BTRC: variants seen among roughly 807,000 people sequenced by gnomAD.
The protein encoded by BTRC is beta-transducin repeat containing E3 ubiquitin protein ligase, also known as F-box/WD repeat-containing protein 1A.
A neutral mutation model predicts 85.5 loss-of-function variants in BTRC; 42 were observed. The ratio of observed to expected loss-of-function variants is 0.49; its 90% CI spans 0.38 to 0.64. The LOEUF (loss-of-function observed/expected upper bound fraction) is 0.64. Among genes scored for constraint, BTRC ranks in the 30% least tolerant of loss-of-function variants. The probability of loss-of-function intolerance (pLI) is 0.00; values close to 1 mark genes in which losing one functional copy is unlikely to be tolerated. For missense variants in BTRC, 594 were observed against 743.5 expected (o/e 0.80, Z 2.34); for synonymous variants, 255 against 263.3 (o/e 0.97, Z 0.30).
At chr10:101,448,996 TA>T (rs1944895699) in intron 2 of BTRC, among the ~76,000 whole-genome samples, 5 of 151,900 alleles carry the variant, frequency 3.3e-5, no homozygotes, top group Admixed American at 3.3e-4. Context: ...GGACACAGTA[TA>T]ATAATAAGCC....
At chr10:101,390,423 C>G (rs112014779) in intron 1 of BTRC, among the ~76,000 whole-genome samples, 4,036 of 149,644 alleles carry the variant, frequency 0.027, 192 homozygotes, top group African/African-American at 0.091. Context: ...CTGCAAGCTT[C>G]GCCTCCCGGG....
At chr10:101,381,406 A>G (rs1942925043) in intron 1 of BTRC, among the ~76,000 whole-genome samples, 1 of 152,160 alleles carries the variant, frequency 6.6e-6, no homozygotes, top group South Asian at 2.1e-4. Context: ...CATGTTCCTT[A>G]ATTTCCTCTT....
Position 101,380,525 on chromosome 10 carries a change from G to T in BTRC, c.48+26297G>T, listed in dbSNP as rs181734687. 2.5e-3 allele frequency among the ~76,000 whole-genome samples: 378 copies of T among 152,206 alleles called. 3 individuals are homozygous for T. Among genetic ancestry groups the T allele is most frequent in the African/African-American group, 8.5e-3 (351 of 41,522 alleles). ...CTCCTCACTTCCCAGACGGTGGGGC[G>T]GCTGGGCAGAGGCACTCCCCACTTC... On this transcript the variant is annotated intron_variant, in intron 1 of 14. Coordinates refer to ENST00000370187, the MANE Select transcript of BTRC (RefSeq NM_033637.4).
chr10:101,462,679 CAAAA>C (rs564048359), intron 3 of BTRC, among the ~76,000 whole-genome samples: 1 of 99,326 alleles, frequency 1.0e-5, no homozygotes. Flanking sequence ...AACTCCGTCT[CAAAA>C]AAAAAAAAAA....
chr10:101,374,784 A>C (rs939830093), intron 1 of BTRC, among the ~76,000 whole-genome samples: 1 of 91,604 alleles, frequency 1.1e-5, no homozygotes, highest in African/African-American at 4.9e-5. Flanking sequence ...AAGTATAATA[A>C]ATAAAAAAAA....
At chr10:101,482,218 G>A (rs374640756) in intron 4 of BTRC, among the ~76,000 whole-genome samples, 1 of 151,754 alleles carries the variant, frequency 6.6e-6, no homozygotes, top group Admixed American at 6.6e-5. Context: ...ACAGGGTTTC[G>A]CCATGTTGGC....
At chr10:101,363,900 A>G (rs897918317) in intron 1 of BTRC, among the ~76,000 whole-genome samples, 4 of 152,174 alleles carry the variant, frequency 2.6e-5, no homozygotes, top group African/African-American at 7.2e-5. Context: ...TCACAGTATC[A>G]TTTCAGTTAG....
rs1001867637 is a variant in BTRC, at chr10:101,556,907, C to T, written c.*3784C>T. 5 of 152,068 alleles carry T rather than the reference C, an allele frequency of 3.3e-5. No individual in the cohort carries two copies. Among genetic ancestry groups the T allele is most frequent in the African/African-American group, 7.3e-5 (3 of 41,318 alleles). The allele number at this position is 152,068 out of a possible 1,614,324, so 9.4% of individuals were successfully genotyped here. On this transcript the variant is annotated 3_prime_UTR_variant, in exon 15 of 15. Transcript: ENST00000370187. ...TTATTAAGGATCAGTGCAGTTAAGT[C>T]GTATTTTAAAGTGTTACCTCCCCTC...
chr10:101,430,577 C>G (rs1230923644), intron 2 of BTRC, 125 bp downstream of exon 2: 1 of 685,038 alleles, frequency 1.5e-6, no homozygotes, highest in Non-Finnish European at 2.5e-6. Flanking sequence ...TTGCCTGTAT[C>G]TCACATCACT....
intron 14 of BTRC, among the ~76,000 whole-genome samples, chr10:101,551,393 C>A (rs1025437215): frequency 1.3e-5 from 2 of 152,016 alleles, no homozygotes; most frequent in Non-Finnish European, 2.9e-5. Flanking sequence ...CTTTTATATC[C>A]CTATCCCTAT....
chr10:101,416,025 T>A (rs1451714824), intron 1 of BTRC, among the ~76,000 whole-genome samples: 1 of 152,208 alleles, frequency 6.6e-6, no homozygotes, highest in Non-Finnish European at 1.5e-5. Flanking sequence ...TTTGTGTAAG[T>A]ACACTGTGAT....
At chr10:101,525,428 C>G (rs2062175895) in intron 5 of BTRC, among the ~76,000 whole-genome samples, 1 of 152,150 alleles carries the variant, frequency 6.6e-6, no homozygotes, top group South Asian at 2.1e-4. Context: ...TGAACTTAAA[C>G]ATACATCTCT....
intron 4 of BTRC, among the ~76,000 whole-genome samples, chr10:101,500,859 G>C (rs1946382662): frequency 6.6e-6 from 1 of 152,116 alleles, no homozygotes; most frequent in South Asian, 2.1e-4. Flanking sequence ...TGGGGTTATA[G>C]AATATCTTGC....
rs530685416 is a variant in BTRC, at chr10:101,458,424, G to T, written c.157-3557G>T. On this transcript the variant is annotated intron_variant, in intron 2 of 14. Transcript: ENST00000370187. ...TGGAATTTTTCATTTTTTAATGGCG[G>T]TGTTATACAACTGTATGTTTTTGTC... Among the ~76,000 whole-genome samples the T allele has an allele frequency of 5.1e-4, 77 of 152,226 alleles. 1 individual carries two copies. Among genetic ancestry groups the T allele is most frequent in the African/African-American group, 1.8e-3 (74 of 41,544 alleles).
At chr10:101,496,383 G>A (rs149444642) in intron 4 of BTRC, among the ~76,000 whole-genome samples, 124 of 152,088 alleles carry the variant, frequency 8.2e-4, no homozygotes, top group African/African-American at 1.8e-3. Context: ...CTGGTGATAC[G>A]TAGTAGTATT....
chr10:101,425,254 A>G (rs1469103640), intron 1 of BTRC, among the ~76,000 whole-genome samples: 2 of 151,556 alleles, frequency 1.3e-5, no homozygotes, highest in Admixed American at 6.6e-5. Flanking sequence ...CAGCATTTCA[A>G]TTTTTTTTCT....
At chr10:101,522,365 A>C (rs1353809392) in intron 5 of BTRC, among the ~76,000 whole-genome samples, 2 of 78,818 alleles carry the variant, frequency 2.5e-5, no homozygotes, top group Non-Finnish European at 4.8e-5. Flanking sequence ...AAAAAAAAAA[A>C]ACAAAAAAAA....
chr10:101,460,900 G>C (rs192954288), intron 2 of BTRC, among the ~76,000 whole-genome samples: 1 of 152,028 alleles, frequency 6.6e-6, no homozygotes, highest in African/African-American at 2.4e-5. Context: ...TTAACTGTAA[G>C]TTTTTTGTTG....
At chr10:101,456,155 C>A (rs528618001) in intron 2 of BTRC, among the ~76,000 whole-genome samples, 4 of 142,654 alleles carry the variant, frequency 2.8e-5, no homozygotes, top group Non-Finnish European at 6.3e-5. Flanking sequence ...GGTGACAGAA[C>A]GAGACTCTGT....
Sources: gnomAD v4.1 joint callset for allele counts (sites outside exome capture counted in the v4.1 genomes callset) on GRCh38, gnomAD v4.1.1 for gene constraint, MANE v1.5 for transcripts, NCBI Gene and HGNC (gene_info 2026-07-23, HGNC 2026-07-21) for gene names.